FBXO21: variants seen among roughly 807,000 people sequenced by gnomAD.
FBXO21 encodes F-box protein 21.
In FBXO21, 32 loss-of-function variants were observed where a neutral mutation model predicts 76.6. The ratio of observed to expected loss-of-function variants is 0.42; its 90% CI spans 0.32 to 0.56. The LOEUF (loss-of-function observed/expected upper bound fraction) is 0.56. Ranked by LOEUF, FBXO21 falls within the 20% of genes least tolerant of loss-of-function variation. The probability of loss-of-function intolerance (pLI) is 0.16; values close to 1 mark genes in which losing one functional copy is unlikely to be tolerated. For synonymous variants in FBXO21, 328 were observed against 311.5 expected, an observed-to-expected ratio of 1.05 and a Z score of -0.56; for missense variants, 586 against 797.3, an observed-to-expected ratio of 0.73 and a Z score of 3.19.
intron 11 of FBXO21, among the ~76,000 whole-genome samples, chr12:117,151,671 C>A (rs1955843937): frequency 6.6e-6 from 1 of 152,102 alleles, no homozygotes; most frequent in Admixed American, 6.5e-5. Flanking sequence ...ATAAAATTGT[C>A]CCACGTGATT....
intron 9 of FBXO21, 66 bp downstream of exon 9, chr12:117,165,419 G>T: frequency 6.8e-7 from 1 of 1,469,366 alleles, no homozygotes; most frequent in Middle Eastern, 2.4e-4. Flanking sequence ...AGCTTGTCAC[G>T]GGCACCCTTC....
At chr12:117,183,568 C>G (rs550885349) in intron 3 of FBXO21, among the ~76,000 whole-genome samples, 16 of 152,302 alleles carry the variant, frequency 1.1e-4, no homozygotes, top group Non-Finnish European at 2.2e-4. Context: ...CTATTTAACA[C>G]TTTTTGAATA....
intron 10 of FBXO21, 34 bp downstream of exon 10, chr12:117,157,839 G>C: frequency 1.3e-6 from 2 of 1,537,878 alleles, no homozygotes; most frequent in Non-Finnish European, 8.8e-7. Flanking sequence ...CCTCTGGAAC[G>C]GACACTGCAG....
intron 4 of FBXO21, among the ~76,000 whole-genome samples, chr12:117,177,215 T>C (rs1359587005): frequency 6.6e-6 from 1 of 152,246 alleles, no homozygotes; most frequent in Non-Finnish European, 1.5e-5. Flanking sequence ...GAAATGATCA[T>C]TAAAGCTCGG....
intron 3 of FBXO21, among the ~76,000 whole-genome samples, chr12:117,180,451 C>T (rs1956216337): frequency 6.6e-6 from 1 of 152,120 alleles, no homozygotes; most frequent in Non-Finnish European, 1.5e-5. Flanking sequence ...AAATATATGT[C>T]TCTGACCTTC....
At chr12:117,147,071 G>A (rs1165999539) in intron 11 of FBXO21, among the ~76,000 whole-genome samples, 2 of 151,120 alleles carry the variant, frequency 1.3e-5, no homozygotes, top group South Asian at 4.2e-4. Context: ...GGTGAAACCC[G>A]TCTCTACTAA....
chr12:117,186,609 A>G, intron 2 of FBXO21, 38 bp from the exon 3 acceptor site: 1 of 1,311,408 alleles, frequency 7.6e-7, no homozygotes, highest in South Asian at 1.2e-5. Flanking sequence ...CTCAATTATG[A>G]GTATTGATGC....
At chr12:117,175,418 G>C (rs1348233281) in intron 4 of FBXO21, among the ~76,000 whole-genome samples, 2 of 152,232 alleles carry the variant, frequency 1.3e-5, no homozygotes, top group African/African-American at 4.8e-5. Context: ...CACAGTCTTA[G>C]GTAATTTTGG....
At chr12:117,174,527 C>A (rs544901299) in intron 5 of FBXO21, 124 bp downstream of exon 5, 23 of 1,263,014 alleles carry the variant, frequency 1.8e-5, no homozygotes, top group Non-Finnish European at 2.6e-5. Context: ...CAGGTAAACA[C>A]GTGGTCACGT....
chr12:117,189,275 T>C lies in FBXO21; in HGVS notation c.327A>G (p.Glu109=). The C allele has an allele frequency of 1.2e-6, 2 of 1,614,214 alleles. No individual in the cohort carries two copies. Among genetic ancestry groups the C allele is most frequent in the Non-Finnish European group, 1.7e-6 (2 of 1,180,032 alleles). ...EYKVRQKAGL[E]ARKIVASFSK... is the part of the protein sequence containing the mutation. ...AGAACGAGGCTACAATCTTCCGCGC[T>C]TCTAACCCAGCTTTTTGCCGAACTT... The change falls in exon 2 of 12, where the codon GAA becomes GAG. Residue 109 remains glutamate, a synonymous_variant. Transcript: ENST00000622495.
chr12:117,183,977 G>A (rs1956259434), intron 3 of FBXO21, among the ~76,000 whole-genome samples: 1 of 151,418 alleles, frequency 6.6e-6, no homozygotes. Flanking sequence ...TTTTATTCTG[G>A]GATGCATTTG....
At chr12:117,186,630 C>G in intron 2 of FBXO21, 59 bp from the exon 3 acceptor site, 1 of 1,104,762 alleles carries the variant, frequency 9.1e-7, no homozygotes, top group Non-Finnish European at 1.4e-6. Context: ...AACTCTCACT[C>G]TCACAAATTT....
intron 9 of FBXO21, 168 bp from the exon 10 acceptor site, chr12:117,158,231 A>T: frequency 2.9e-6 from 2 of 697,044 alleles, no homozygotes; most frequent in Non-Finnish European, 4.8e-6. Context: ...CCTCTGATGG[A>T]CCGCCACCAA....
intron 3 of FBXO21, among the ~76,000 whole-genome samples, chr12:117,178,429 G>A (rs575631228): frequency 4.6e-5 from 7 of 152,122 alleles, no homozygotes; most frequent in Non-Finnish European, 7.4e-5. Flanking sequence ...CCTCAATACG[G>A]CAGCCAGAGC....
intron 11 of FBXO21, among the ~76,000 whole-genome samples, chr12:117,150,053 A>G (rs1472361507): frequency 6.6e-6 from 1 of 152,238 alleles, no homozygotes; most frequent in Non-Finnish European, 1.5e-5. Flanking sequence ...CTGAGCTCCT[A>G]GCTTGCTAAG....
At chr12:117,162,583 C>A (rs1955994131) in intron 9 of FBXO21, among the ~76,000 whole-genome samples, 1 of 152,152 alleles carries the variant, frequency 6.6e-6, no homozygotes, top group Non-Finnish European at 1.5e-5. Flanking sequence ...GCCGTCATAA[C>A]CCTGCATTAC....
chr12:117,159,956 A>G (rs1565998504), intron 9 of FBXO21, among the ~76,000 whole-genome samples: 1 of 152,220 alleles, frequency 6.6e-6, no homozygotes, highest in Non-Finnish European at 1.5e-5. Flanking sequence ...GCGTATTTGC[A>G]GACAGTGTTG....
At position 117,144,387 on chromosome 12, in the gene FBXO21, G is replaced by C. The variant is rs974278734; in HGVS notation, c.*1700C>G. 1 of 152,196 alleles carries C rather than the reference G, an allele frequency of 6.6e-6. No homozygotes were observed. The highest frequency in any genetic ancestry group is 2.4e-5 in the African/African-American group (1 of 41,462). 9.4% of individuals were successfully genotyped at this position (152,196 alleles called of 1,614,324 possible). ...TTTGACTTTGGATTTGACTGATGAG[G>C]AACATGGACAGTGGATTAAATAGCT... is the stretch of plus-strand genomic sequence containing the variant. On this transcript the variant is annotated 3_prime_UTR_variant, in exon 12 of 12. Transcript: ENST00000622495.
intron 3 of FBXO21, among the ~76,000 whole-genome samples, chr12:117,185,612 T>C (rs1389538876): frequency 1.3e-5 from 2 of 152,102 alleles, no homozygotes; most frequent in East Asian, 1.9e-4. Context: ...ACATAAGGGG[T>C]TCTTCTTGAT....
Sources: gnomAD v4.1 joint callset for allele counts (sites outside exome capture counted in the v4.1 genomes callset) on GRCh38, gnomAD v4.1.1 for gene constraint, MANE v1.5 for transcripts, NCBI Gene and HGNC (gene_info 2026-07-23, HGNC 2026-07-21) for gene names.